The following PTPRE variants were observed in gnomAD, a reference collection of about 807,000 sequenced individuals.
PTPRE encodes the protein receptor-type tyrosine-protein phosphatase epsilon.
Under a neutral mutation model 102.0 loss-of-function variants are expected in PTPRE, and 51 were observed. The observed-to-expected ratio is 0.50, with a 90% CI of 0.40 to 0.63. The LOEUF (loss-of-function observed/expected upper bound fraction) is 0.63, where lower values mean the gene tolerates loss of function less well. Ranked by LOEUF, PTPRE falls within the 30% of genes least tolerant of loss-of-function variation. The pLI is 0.00. For missense variants in PTPRE, 752 were observed against 915.1 expected (o/e 0.82, Z 2.30); for synonymous variants, 345 against 348.2 (o/e 0.99, Z 0.10).
At chr10:128,061,092 G>A (rs935146208) in intron 8 of PTPRE, 77 bp downstream of exon 8, 2 of 1,441,058 alleles carry the variant, frequency 1.4e-6, no homozygotes, top group Admixed American at 1.7e-5. Flanking sequence ...CTGGTGCCCG[G>A]AGTGTAAATT....
intron 10 of PTPRE, 72 bp from the exon 11 acceptor site, chr10:128,066,003 A>G (rs1850053302): frequency 6.2e-7 from 1 of 1,606,946 alleles, no homozygotes; most frequent in Non-Finnish European, 8.5e-7. Context: ...GGCCTTCTGT[A>G]GTTGGGTGGG....
intron 5 of PTPRE, among the ~76,000 whole-genome samples, chr10:128,049,005 C>T (rs1848330914): frequency 6.6e-6 from 1 of 152,172 alleles, no homozygotes; most frequent in Admixed American, 6.5e-5. Context: ...TTCTCAATGC[C>T]CCTTGTCACC....
At chr10:128,077,572 TC>T in intron 18 of PTPRE, 44 bp from the exon 19 acceptor site, 1 of 1,567,500 alleles carries the variant, frequency 6.4e-7, no homozygotes, top group Non-Finnish European at 8.7e-7. Context: ...TGGGGCCTGT[TC>T]CCCGGCAGGC....
chr10:128,055,562 C>T (rs1013601059), intron 6 of PTPRE, among the ~76,000 whole-genome samples: 14 of 152,172 alleles, frequency 9.2e-5, no homozygotes, highest in African/African-American at 2.2e-4. Flanking sequence ...AGCACCCTCC[C>T]GGGAGTGCCC....
chr10:128,014,875 CAG>C (rs1254747626), intron 2 of PTPRE, among the ~76,000 whole-genome samples: 3 of 152,120 alleles, frequency 2.0e-5, no homozygotes, highest in African/African-American at 7.2e-5. Context: ...AGGAAGGAGA[CAG>C]TGGAGATGAC....
Position 128,077,614 on chromosome 10 carries a change from C to T in PTPRE, c.1726-3C>T, listed in dbSNP as rs1029161842. On this transcript the variant is annotated splice_polypyrimidine_tract_variant and splice_region_variant and intron_variant, in intron 18 of 20. Transcript: ENST00000254667. ...ACGCTGAGACCCCCTCTCCTCCCTG[C>T]AGCCCCAGGCCCGCCAGGAGGAGCA... 34 of 1,600,982 alleles carry T rather than the reference C, an allele frequency of 2.1e-5. No homozygotes were observed. The highest frequency in any genetic ancestry group is 2.6e-5 in the Non-Finnish European group (31 of 1,170,456).
At chr10:128,071,113 T>C (rs1318003341) in intron 15 of PTPRE, 3 of 579,004 alleles carry the variant, frequency 5.2e-6, no homozygotes, top group Non-Finnish European at 6.1e-6. Flanking sequence ...CAGTCCTGCA[T>C]GGGTCTCAGG....
At chr10:127,978,433 G>T (rs565662817) in intron 1 of PTPRE, among the ~76,000 whole-genome samples, 8 of 152,082 alleles carry the variant, frequency 5.3e-5, no homozygotes, top group African/African-American at 7.2e-5. Flanking sequence ...AGCTACTCGG[G>T]GGGTGGCTGA....
At chr10:128,056,875 T>G (rs1420723738) in intron 7 of PTPRE, among the ~76,000 whole-genome samples, 1 of 151,894 alleles carries the variant, frequency 6.6e-6, no homozygotes, top group Non-Finnish European at 1.5e-5. Flanking sequence ...TTTCACAGCC[T>G]GTCTTGGTGC....
Position 128,085,675 on chromosome 10 carries a change from T to A in PTPRE, c.*2769T>A, listed in dbSNP as rs535842594. The stretch of plus-strand genomic sequence containing the variant: ...TTAACTAAGTTGTGTTTAACTTATG[T>A]GCAGTCTTTATAATGTATGTATGTT... On this transcript the variant is annotated 3_prime_UTR_variant, in exon 21 of 21. Coordinates refer to ENST00000254667, the MANE Select transcript of PTPRE (RefSeq NM_006504.6). 423 of 152,784 alleles carry A rather than the reference T, an allele frequency of 2.8e-3. 2 individuals carry two copies. The highest frequency in any genetic ancestry group is 4.2e-3 in the Non-Finnish European group (285 of 68,068). 9.5% of individuals were successfully genotyped at this position (152,784 alleles called of 1,614,324 possible).
At position 128,028,211 on chromosome 10, in the gene PTPRE, G is replaced by T. The variant is rs1177337888; in HGVS notation, c.-7-12664G>T. ...TAGCCATGTTTGTCAGGCTCAGGGAGAAGTGAGGAGGCCTCCTTACCATCA... is the reference window on the plus strand; with the variant it reads ...TAGCCATGTTTGTCAGGCTCAGGGATAAGTGAGGAGGCCTCCTTACCATCA... On this transcript the variant is annotated intron_variant, in intron 2 of 20. Transcript: ENST00000254667. This position sits in a 1 kb window ranked among gnomAD's most constrained non-coding sequence, Gnocchi z 4.5. Among the ~76,000 whole-genome samples, 2 of 152,176 alleles carry T rather than the reference G, an allele frequency of 1.3e-5. No homozygotes were observed. The highest frequency in any genetic ancestry group is 2.9e-5 in the Non-Finnish European group (2 of 68,030).
chr10:128,062,485 C>T (rs555910695), intron 9 of PTPRE, among the ~76,000 whole-genome samples: 20 of 152,342 alleles, frequency 1.3e-4, no homozygotes, highest in Admixed American at 2.0e-4. Flanking sequence ...AGCTAGCCCA[C>T]GGCAGGACAG....
chr10:127,993,088 G>A (rs751518894), intron 2 of PTPRE, among the ~76,000 whole-genome samples: 2 of 152,012 alleles, frequency 1.3e-5, no homozygotes, highest in Admixed American at 6.6e-5. Context: ...ATGAGCAGAG[G>A]GTTGAGGAAA....
At chr10:128,079,035 G>A (rs1222372470) in intron 19 of PTPRE, among the ~76,000 whole-genome samples, 1 of 152,160 alleles carries the variant, frequency 6.6e-6, no homozygotes, top group Non-Finnish European at 1.5e-5. Context: ...GACTCAAATC[G>A]GCCTTGCTGG....
At chr10:128,041,052 C>T in intron 3 of PTPRE, 62 bp downstream of exon 3, 2 of 1,416,908 alleles carry the variant, frequency 1.4e-6, no homozygotes, top group Admixed American at 1.8e-5. Flanking sequence ...TGGGACCATT[C>T]AGAGGGTGAT....
chr10:128,047,800 C>G lies in PTPRE; in HGVS notation c.246C>G (p.Ser82Arg). 6.2e-7 allele frequency: 1 copy of G among 1,605,256 alleles called. No homozygotes were observed. Among genetic ancestry groups the G allele is most frequent in the Non-Finnish European group, 8.5e-7 (1 of 1,172,848 alleles). The change falls in exon 5 of 21, where the codon AGC becomes AGG. Residue 82 changes from serine (S) to arginine (R), a missense_variant. Transcript: ENST00000254667. Reference sequence around the variant, plus strand: ...AGAGGAAAGCTGTGGTCAGCACCAGCGACAAGAAGATGCCCAACGGAATCT... The same window carrying G: ...AGAGGAAAGCTGTGGTCAGCACCAGGGACAAGAAGATGCCCAACGGAATCT... Reference protein sequence around the residue: ...RKQRKAVVSTSDKKMPNGILE... With the variant: ...RKQRKAVVSTRDKKMPNGILE...
intron 1 of PTPRE, among the ~76,000 whole-genome samples, chr10:127,911,779 C>A (rs895415561): frequency 1.3e-5 from 2 of 152,192 alleles, no homozygotes; most frequent in Non-Finnish European, 2.9e-5. Context: ...TGAGGAGAGG[C>A]CCGTGGGTAC....
intron 1 of PTPRE, among the ~76,000 whole-genome samples, chr10:127,932,946 C>A (rs1847555531): frequency 6.6e-6 from 1 of 152,248 alleles, no homozygotes; most frequent in African/African-American, 2.4e-5. Context: ...GAGCTAGAGG[C>A]TGTCCCGATG....
intron 6 of PTPRE, among the ~76,000 whole-genome samples, chr10:128,053,536 T>C (rs1043040101): frequency 2.6e-5 from 4 of 152,190 alleles, no homozygotes; most frequent in Admixed American, 2.0e-4. Context: ...TGGGTGGTTA[T>C]TCTGTGCACT....
Sources: allele counts gnomAD v4.1 joint callset (sites outside exome capture counted in the v4.1 genomes callset), GRCh38; gene constraint gnomAD v4.1.1; non-coding constraint Gnocchi (gnomAD v3.1); transcripts MANE v1.5; gene names NCBI Gene and HGNC (gene_info 2026-07-23, HGNC 2026-07-21).